GJB7: variants seen among roughly 807,000 people sequenced by gnomAD.
The protein encoded by GJB7 is gap junction beta-7 protein.
For synonymous variants in GJB7, 87 were observed against 95.2 expected (o/e 0.91, Z 0.50); for missense variants, 253 against 256.8 (o/e 0.99, Z 0.10).
At chr6:87,296,649 A>T (rs1230098549) in intron 2 of GJB7, among the ~76,000 whole-genome samples, 1 of 152,236 alleles carries the variant, frequency 6.6e-6, no homozygotes, top group Non-Finnish European at 1.5e-5. Context: ...TATAAATAAT[A>T]TTACAAGTGT....
At chr6:87,286,457 A>G (rs905306633) in intron 2 of GJB7, among the ~76,000 whole-genome samples, 1 of 152,074 alleles carries the variant, frequency 6.6e-6, no homozygotes, top group Non-Finnish European at 1.5e-5. Context: ...TCACTCCTAC[A>G]ACTCTCATTA....
intron 2 of GJB7, among the ~76,000 whole-genome samples, chr6:87,316,578 G>T (rs1307685068): frequency 1.3e-5 from 2 of 152,238 alleles, no homozygotes; most frequent in African/African-American, 4.8e-5. Context: ...GAGGACAACA[G>T]CTTGTAGGGG....
At chr6:87,300,052 G>T in intron 2 of GJB7, 1 of 331,642 alleles carries the variant, frequency 3.0e-6, no homozygotes, top group Non-Finnish European at 5.9e-6. Flanking sequence ...AGCTGCTGTT[G>T]AAGAAGGCAT....
intron 2 of GJB7, among the ~76,000 whole-genome samples, chr6:87,307,540 G>A (rs200684431): frequency 6.6e-6 from 1 of 151,908 alleles, no homozygotes; most frequent in African/African-American, 2.4e-5. Flanking sequence ...AAAAAAACAA[G>A]CAACCCCATC....
intron 2 of GJB7, among the ~76,000 whole-genome samples, chr6:87,289,671 C>T (rs1278243763): frequency 6.6e-6 from 1 of 152,248 alleles, no homozygotes; most frequent in East Asian, 1.9e-4. Context: ...GAAATGAGTG[C>T]CAGTTCTGAC....
intron 2 of GJB7, among the ~76,000 whole-genome samples, chr6:87,320,638 G>GACATGTATCAAT (rs1776642870): frequency 6.6e-6 from 1 of 152,178 alleles, no homozygotes; most frequent in Non-Finnish European, 1.5e-5. Flanking sequence ...TACAGGCAAA[G>GACATGTATCAAT]ACATGTATCA....
At chr6:87,285,724 T>C (rs541202828) in intron 2 of GJB7, among the ~76,000 whole-genome samples, 1 of 152,212 alleles carries the variant, frequency 6.6e-6, no homozygotes, top group Non-Finnish European at 1.5e-5. Context: ...GCTTAAGTGT[T>C]GTCCATTTTT....
intron 2 of GJB7, among the ~76,000 whole-genome samples, chr6:87,296,869 C>T (rs759283277): frequency 7.9e-5 from 12 of 152,024 alleles, no homozygotes; most frequent in Non-Finnish European, 1.2e-4. Context: ...ATTTCAGAGC[C>T]GACATTCTAA....
intron 2 of GJB7, among the ~76,000 whole-genome samples, chr6:87,301,569 G>A (rs1399183529): frequency 1.3e-5 from 2 of 152,200 alleles, no homozygotes; most frequent in African/African-American, 4.8e-5. Flanking sequence ...AGCTCAAGGA[G>A]GCCTGCCTGC....
intron 2 of GJB7, among the ~76,000 whole-genome samples, chr6:87,289,870 A>T (rs543859998): frequency 6.6e-6 from 1 of 152,256 alleles, no homozygotes; most frequent in South Asian, 2.1e-4. Context: ...ACTGTCCAAA[A>T]AGCCCTTGCA....
intron 2 of GJB7, among the ~76,000 whole-genome samples, chr6:87,292,316 T>C (rs532663156): frequency 3.3e-5 from 5 of 152,362 alleles, no homozygotes; most frequent in African/African-American, 1.2e-4. Context: ...CAAAAGCTAC[T>C]TACCAAAATT....
intron 2 of GJB7, among the ~76,000 whole-genome samples, chr6:87,317,460 G>A (rs555576398): frequency 2.1e-4 from 29 of 138,478 alleles, no homozygotes; most frequent in East Asian, 6.3e-4. Flanking sequence ...ACGGAGTTTC[G>A]CTCTTGTTGC....
At position 87,284,280 on chromosome 6, in the gene GJB7, G is replaced by A. The variant is rs549619359; in HGVS notation, c.633C>T (p.Leu211=). 26 of 1,613,662 alleles carry A rather than the reference G, an allele frequency of 1.6e-5. No homozygotes were observed. In the South Asian group the frequency reaches 2.9e-4, roughly 18 times the overall value. ...LVLKCFIKCC[L]QKYLKKPQVL... ...CTTGAGGTTTTTTTAAATATTTTTG[G>A]AGACAGCACTTAATAAAGCACTTGA... Residue 211 remains leucine (L), a synonymous_variant, in exon 3 of 3, where the codon CTC becomes CTT. Coordinates refer to ENST00000525899, the MANE Select transcript of GJB7 (RefSeq NM_198568.3).
rs560242645 is a variant in GJB7 at position 87,283,915 on chromosome 6, C to T, written c.*326G>A. ...TTTCTTCAGACTAATTTGCAATTACCTATTCTAAAACAACTAATGTTATCC... is the reference window on the plus strand; with the variant it reads ...TTTCTTCAGACTAATTTGCAATTACTTATTCTAAAACAACTAATGTTATCC... On this transcript the variant is annotated 3_prime_UTR_variant, in exon 3 of 3. Coordinates refer to ENST00000525899, the MANE Select transcript of GJB7 (RefSeq NM_198568.3). 5.9e-4 allele frequency: 110 copies of T among 185,796 alleles called. No individual in the cohort carries two copies. Among genetic ancestry groups the T allele is most frequent in the African/African-American group, 2.6e-3 (108 of 42,248 alleles). 11.5% of individuals were successfully genotyped at this position (185,796 alleles called of 1,614,324 possible). A position where few individuals can be genotyped will look rare whatever the true frequency, so the allele number is the denominator to read the frequency against.
At position 87,319,066 on chromosome 6, in the gene GJB7, T is replaced by C. The variant is rs12530318; in HGVS notation, c.-28+3800A>G. Among the ~76,000 whole-genome samples, 549 of 152,332 alleles carry C rather than the reference T, an allele frequency of 3.6e-3. 2 individuals are homozygous for C. Among genetic ancestry groups the C allele is most frequent in the Non-Finnish European group, 6.5e-3 (444 of 68,038 alleles). ...ACACTTTGGGAACCCCAGATTAAAA[T>C]AGATATCATTGGTCCCTTTGAATGT... is the stretch of plus-strand genomic sequence containing the variant. On this transcript the variant is annotated intron_variant, in intron 2 of 2. Transcript: ENST00000525899.
intron 2 of GJB7, among the ~76,000 whole-genome samples, chr6:87,312,340 C>T (rs1025859026): frequency 6.6e-6 from 1 of 151,536 alleles, no homozygotes; most frequent in African/African-American, 2.4e-5. Flanking sequence ...GGTGAAACCC[C>T]GTCTCTACTA....
At chr6:87,303,308 C>T (rs1409750817) in intron 2 of GJB7, among the ~76,000 whole-genome samples, 2 of 152,018 alleles carry the variant, frequency 1.3e-5, no homozygotes, top group Non-Finnish European at 2.9e-5. Flanking sequence ...CACACATACG[C>T]TCAAAATAAA....
At chr6:87,309,238 G>A (rs1040936053) in intron 2 of GJB7, among the ~76,000 whole-genome samples, 10 of 152,290 alleles carry the variant, frequency 6.6e-5, no homozygotes, top group Middle Eastern at 6.8e-3. Context: ...CTGACTCATG[G>A]GCCAGGTACG....
rs554884494 is a variant in GJB7 at position 87,304,351 on chromosome 6, C to T, written c.-28+18515G>A. 3.3e-5 allele frequency among the ~76,000 whole-genome samples: 5 copies of T among 152,124 alleles called. No homozygotes were observed. In the East Asian group the frequency reaches 5.8e-4, roughly 18 times the overall value. ...AAAATGATAAAGGGGATATCACCAC[C>T]GATCCCACAGAAATACAAACTACCA... On this transcript the variant is annotated intron_variant, in intron 2 of 2. Coordinates refer to ENST00000525899, the MANE Select transcript of GJB7 (RefSeq NM_198568.3).
Sources: gnomAD v4.1 joint callset for allele counts (sites outside exome capture counted in the v4.1 genomes callset) on GRCh38, gnomAD v4.1.1 for gene constraint, MANE v1.5 for transcripts, NCBI Gene and HGNC (gene_info 2026-07-23, HGNC 2026-07-21) for gene names.